ITPR2: variants seen among roughly 807,000 people sequenced by gnomAD.
ITPR2 encodes the protein inositol 1,4,5-trisphosphate receptor type 2.
Under a neutral mutation model 317.1 loss-of-function variants are expected in ITPR2, and 207 were observed. The observed-to-expected ratio is 0.65, with a 90% CI of 0.58 to 0.73. The LOEUF is 0.73. Among genes scored for constraint, ITPR2 ranks in the 30% least tolerant of loss-of-function variants. The pLI, the probability that ITPR2 is intolerant of heterozygous loss-of-function variation, is 0.00. For synonymous variants in ITPR2, 1,156 were observed against 1,149.1 expected, an observed-to-expected ratio of 1.01 and a Z score of -0.12; for missense variants, 2,613 against 3,284.0, an observed-to-expected ratio of 0.80 and a Z score of 4.99.
intron 2 of ITPR2, among the ~76,000 whole-genome samples, chr12:26,784,107 G>T (rs919215234): frequency 6.6e-6 from 1 of 151,678 alleles, no homozygotes; most frequent in African/African-American, 2.4e-5. Flanking sequence ...ATGTACAAAT[G>T]GTAAATTCTT....
chr12:26,441,691 C>CA (rs1941491396), intron 46 of ITPR2, among the ~76,000 whole-genome samples: 1 of 152,106 alleles, frequency 6.6e-6, no homozygotes, highest in South Asian at 2.1e-4. Context: ...ATGGATGACT[C>CA]AAAGTCACCT....
At chr12:26,570,705 A>C (rs1194322720) in intron 34 of ITPR2, among the ~76,000 whole-genome samples, 2 of 152,242 alleles carry the variant, frequency 1.3e-5, no homozygotes, top group Non-Finnish European at 2.9e-5. Context: ...ACATGGAACA[A>C]AATTCTTTTT....
rs756309461 is a variant in ITPR2 at position 26,657,997 on chromosome 12, T to TTATC, written c.2006+10_2006+13dup. On this transcript the variant is annotated intron_variant, in intron 17 of 56. Coordinates refer to ENST00000381340, the MANE Select transcript of ITPR2 (RefSeq NM_002223.4). ...AATCAACAGGAAAATGATGCATCCA[T>TTATC]TATCTGGGCTTACTTAGTTTGAATG... 2 of 1,605,204 alleles carry TTATC rather than the reference T, an allele frequency of 1.2e-6. No individual in the cohort carries two copies. The highest frequency in any genetic ancestry group is 2.2e-5 in the South Asian group (2 of 89,056).
At position 26,639,166 on chromosome 12, in the gene ITPR2, C is replaced by A. The variant is rs572266578; in HGVS notation, c.2741-7107G>T. Among the ~76,000 whole-genome samples the A allele has an allele frequency of 3.0e-4, 46 of 152,280 alleles. 1 individual carries two copies. Among genetic ancestry groups the A allele is most frequent in the African/African-American group, 1.0e-3 (43 of 41,550 alleles). The stretch of plus-strand genomic sequence containing the variant: ...ACGCAGGTGATGTGCTAGCCATTTT[C>A]AAGCACAGAAAGACCTGACATGTGG... On this transcript the variant is annotated intron_variant, in intron 21 of 56. Transcript: ENST00000381340.
At chr12:26,824,958 G>A (rs146286917) in intron 1 of ITPR2, among the ~76,000 whole-genome samples, 192 of 152,272 alleles carry the variant, frequency 1.3e-3, no homozygotes, top group African/African-American at 4.2e-3. Context: ...TGGGCTGGGC[G>A]CAGTGGCTCA....
intron 40 of ITPR2, 104 bp from the exon 41 acceptor site, chr12:26,486,464 A>T: frequency 1.0e-6 from 1 of 976,248 alleles, no homozygotes; most frequent in Non-Finnish European, 1.5e-6. Flanking sequence ...ATTGAATTAA[A>T]AATAATCTGA....
rs201022187 is a variant in ITPR2 at position 26,484,900 on chromosome 12, A to G, written c.5812-1002T>C. 1.2e-4 allele frequency among the ~76,000 whole-genome samples: 19 copies of G among 152,182 alleles called. No individual in the cohort carries two copies. In the East Asian group the frequency reaches 1.9e-3, roughly 15 times the overall value. On this transcript the variant is annotated intron_variant, in intron 41 of 56. Transcript: ENST00000381340. ...CTAATTTTTTGTATTTTTTTTTAGTAGAGACGGGGTTTCACTGGGTTGGCC... is the reference window on the plus strand; with the variant it reads ...CTAATTTTTTGTATTTTTTTTTAGTGGAGACGGGGTTTCACTGGGTTGGCC...
chr12:26,668,991 G>A (rs1393899885), intron 13 of ITPR2, among the ~76,000 whole-genome samples: 1 of 152,038 alleles, frequency 6.6e-6, no homozygotes, highest in Non-Finnish European at 1.5e-5. Context: ...GGTGGCATGC[G>A]CCTATGGTCC....
At chr12:26,808,235 T>C (rs1357049661) in intron 1 of ITPR2, among the ~76,000 whole-genome samples, 2 of 152,204 alleles carry the variant, frequency 1.3e-5, no homozygotes, top group African/African-American at 2.4e-5. Context: ...GTTCCAGTTG[T>C]ACCTAAAGCC....
intron 1 of ITPR2, among the ~76,000 whole-genome samples, chr12:26,802,062 A>G (rs1282517365): frequency 6.6e-6 from 1 of 152,146 alleles, no homozygotes; most frequent in African/African-American, 2.4e-5. Context: ...TGCTTTGGGA[A>G]GGTGAGGTGA....
chr12:26,651,866 T>G (rs901293721), intron 21 of ITPR2, among the ~76,000 whole-genome samples: 2 of 152,136 alleles, frequency 1.3e-5, no homozygotes, highest in Non-Finnish European at 2.9e-5. Context: ...TGTTTCAGGT[T>G]TCTTTTGTCT....
intron 2 of ITPR2, among the ~76,000 whole-genome samples, chr12:26,769,491 T>A (rs759876605): frequency 7.2e-5 from 11 of 152,074 alleles, no homozygotes; most frequent in Non-Finnish European, 1.6e-4. Flanking sequence ...TATCTAAAAC[T>A]CTTGGTGGTA....
intron 2 of ITPR2, among the ~76,000 whole-genome samples, chr12:26,731,933 A>AATAC (rs1949034777): frequency 6.6e-6 from 1 of 152,078 alleles, no homozygotes; most frequent in African/African-American, 2.4e-5. Flanking sequence ...TGCATCCTGA[A>AATAC]ATACAGTGTT....
Position 26,340,185 on chromosome 12 carries a change from C to T in ITPR2, c.8001G>A (p.Leu2667=). The part of the protein sequence containing the change: ...MSLVKQLSGQ[L]AELKEQMTEQ... The stretch of plus-strand genomic sequence containing the variant: ...CACCCACCTGCTCCTTGAGCTCCGC[C>T]AGCTGACCCGACAGCTGTTTGACCA... The change falls in exon 56 of 57, where the codon CTG becomes CTA. Residue 2667 remains leucine, a synonymous_variant. Transcript: ENST00000381340. 6.2e-7 allele frequency: 1 copy of T among 1,605,014 alleles called. No individual in the cohort carries two copies. Among genetic ancestry groups the T allele is most frequent in the Non-Finnish European group, 8.5e-7 (1 of 1,175,970 alleles).
chr12:26,584,400 C>A (rs1326851023), intron 32 of ITPR2, among the ~76,000 whole-genome samples: 1 of 152,122 alleles, frequency 6.6e-6, no homozygotes, highest in Non-Finnish European at 1.5e-5. Flanking sequence ...AGCACCTCAG[C>A]ATATAACAGA....
At chr12:26,681,820 C>T in intron 13 of ITPR2, 54 bp downstream of exon 13, 2 of 1,299,838 alleles carry the variant, frequency 1.5e-6, no homozygotes, top group Admixed American at 1.7e-5. Flanking sequence ...ATCAGGCTTA[C>T]TATAACAATT....
intron 44 of ITPR2, among the ~76,000 whole-genome samples, chr12:26,475,758 A>G (rs541319218): frequency 6.6e-6 from 1 of 152,328 alleles, no homozygotes; most frequent in African/African-American, 2.4e-5. Flanking sequence ...CTGGGAAGTG[A>G]GGACCCCAAC....
chr12:26,339,739 C>T (rs1938042880), intron 56 of ITPR2, among the ~76,000 whole-genome samples: 1 of 152,124 alleles, frequency 6.6e-6, no homozygotes, highest in African/African-American at 2.4e-5. Context: ...GTCACCATCA[C>T]CACAGTCATT....
chr12:26,751,030 G>A (rs1418024546), intron 2 of ITPR2, among the ~76,000 whole-genome samples: 1 of 152,138 alleles, frequency 6.6e-6, no homozygotes, highest in Non-Finnish European at 1.5e-5. Flanking sequence ...CAAAAGACCA[G>A]GGCAGGGGGT....
Sources: gnomAD v4.1 joint callset for allele counts (sites outside exome capture counted in the v4.1 genomes callset) on GRCh38, gnomAD v4.1.1 for gene constraint, MANE v1.5 for transcripts, NCBI Gene and HGNC (gene_info 2026-07-23, HGNC 2026-07-21) for gene names.